The following KSR2 variants were observed in gnomAD, a reference collection of about 807,000 sequenced individuals.
KSR2 encodes the protein kinase suppressor of ras 2.
Under a neutral mutation model 107.8 loss-of-function variants are expected in KSR2, and 25 were observed. The ratio of observed to expected loss-of-function variants is 0.23; its 90% confidence interval spans 0.17 to 0.32. The LOEUF (loss-of-function observed/expected upper bound fraction) is 0.32. KSR2 is among the 10% of genes least tolerant of loss of function. The pLI, the probability that KSR2 is intolerant of heterozygous loss-of-function variation, is 1.00. For synonymous variants in KSR2, 480 were observed against 507.0 expected, an observed-to-expected ratio of 0.95 and a Z score of 0.71; for missense variants, 887 against 1,268.9, an observed-to-expected ratio of 0.70 and a Z score of 4.57.
chr12:117,967,055 C>T (rs1044829514), intron 1 of KSR2, among the ~76,000 whole-genome samples: 1 of 152,182 alleles, frequency 6.6e-6, no homozygotes, highest in Non-Finnish European at 1.5e-5. Context: ...AGGAAGTGAG[C>T]TGAACCCTTC....
intron 5 of KSR2, among the ~76,000 whole-genome samples, chr12:117,610,467 C>T (rs1458737717): frequency 6.6e-6 from 1 of 152,102 alleles, no homozygotes; most frequent in African/African-American, 2.4e-5. Flanking sequence ...TGACCAGGCA[C>T]GGTGGCTCAC....
At chr12:117,721,386 G>C (rs766751964) in intron 4 of KSR2, among the ~76,000 whole-genome samples, 12 of 152,232 alleles carry the variant, frequency 7.9e-5, no homozygotes, top group Middle Eastern at 3.2e-3. Flanking sequence ...TTGTAGAATA[G>C]TATAGAAGGC....
intron 5 of KSR2, among the ~76,000 whole-genome samples, chr12:117,640,096 G>C (rs187769967): frequency 2.0e-5 from 3 of 146,590 alleles, no homozygotes; most frequent in African/African-American, 5.1e-5. Context: ...TGGTGGTATC[G>C]AATCCATTCA....
intron 4 of KSR2, among the ~76,000 whole-genome samples, chr12:117,689,107 G>C (rs973834668): frequency 6.6e-6 from 1 of 152,028 alleles, no homozygotes; most frequent in African/African-American, 2.4e-5. Context: ...AACATACAAT[G>C]AATATGTCCA....
chr12:117,787,562 G>A (rs1890122134), intron 3 of KSR2, among the ~76,000 whole-genome samples: 1 of 152,096 alleles, frequency 6.6e-6, no homozygotes. Context: ...GAACCCAGGA[G>A]GCAGAAGTTG....
At chr12:117,530,020 C>T (rs1357231431) in intron 12 of KSR2, among the ~76,000 whole-genome samples, 3 of 151,456 alleles carry the variant, frequency 2.0e-5, no homozygotes, top group Non-Finnish European at 4.4e-5. Flanking sequence ...GACTCTGTCT[C>T]AAAACAAACA....
In KSR2 at chr12:117,965,890, G is replaced by A. The variant is rs952248720; in HGVS notation, c.180+2186C>T. Among the ~76,000 whole-genome samples the A allele has an allele frequency of 1.7e-4, 26 of 152,294 alleles. No homozygotes were observed. The East Asian group carries it at 4.6e-3, about 27-fold the overall frequency. ...TGGACCCAAATGTTAGCGTTGGCTGGACTTGGCTGGACCCTAAGTTACCAG... is the reference window on the plus strand; with the variant it reads ...TGGACCCAAATGTTAGCGTTGGCTGAACTTGGCTGGACCCTAAGTTACCAG... On this transcript the variant is annotated intron_variant, in intron 1 of 19. Coordinates refer to ENST00000339824, the MANE Select transcript of KSR2 (RefSeq NM_173598.6).
intron 4 of KSR2, among the ~76,000 whole-genome samples, chr12:117,736,570 G>C (rs928673549): frequency 6.6e-6 from 1 of 152,200 alleles, no homozygotes; most frequent in Admixed American, 6.5e-5. Flanking sequence ...AGCACTTTGG[G>C]AGACCAAGGC....
At position 117,555,301 on chromosome 12, in the gene KSR2, G is replaced by T. The variant is rs777265184; in HGVS notation, c.1394-8C>A. The T allele has an allele frequency of 8.7e-6, 14 of 1,613,666 alleles. No homozygotes were observed. Among genetic ancestry groups the T allele is most frequent in the Non-Finnish European group, 1.2e-5 (14 of 1,179,728 alleles). On this transcript the variant is annotated splice_polypyrimidine_tract_variant and splice_region_variant and intron_variant, in intron 8 of 19. Coordinates refer to ENST00000339824, the MANE Select transcript of KSR2 (RefSeq NM_173598.6). ...GGACTAACCTTGCTGGATCCGTAGG[G>T]GTAAAAACATTGATTTGGGAGTTTA...
chr12:117,524,683 T>C (rs1459494211), intron 14 of KSR2, among the ~76,000 whole-genome samples, 169 bp downstream of exon 14: 1 of 152,124 alleles, frequency 6.6e-6, no homozygotes, highest in Admixed American at 6.5e-5. Flanking sequence ...AACAAATAAG[T>C]AAAGTATTTT....
At chr12:117,645,967 A>G in intron 5 of KSR2, among the ~76,000 whole-genome samples, 1 of 151,758 alleles carries the variant, frequency 6.6e-6, no homozygotes. Flanking sequence ...CCCCACATAT[A>G]CCAAAATCCA....
At chr12:117,582,168 A>G in intron 6 of KSR2, 122 bp downstream of exon 6, 1 of 747,482 alleles carries the variant, frequency 1.3e-6, no homozygotes, top group East Asian at 2.6e-5. Context: ...AGAAAGGGAC[A>G]TGGTGATGTA....
At chr12:117,531,273 T>G (rs1875614887) in intron 11 of KSR2, among the ~76,000 whole-genome samples, 1 of 152,156 alleles carries the variant, frequency 6.6e-6, no homozygotes, top group Non-Finnish European at 1.5e-5. Flanking sequence ...CCTGAAGCAT[T>G]CATTGGTCAT....
At chr12:117,688,946 C>T (rs1007194549) in intron 4 of KSR2, among the ~76,000 whole-genome samples, 3 of 152,012 alleles carry the variant, frequency 2.0e-5, no homozygotes, top group Non-Finnish European at 4.4e-5. Context: ...TCCTTGCAAA[C>T]GACACATGCA....
rs187769083 is a variant in KSR2, at chr12:117,467,216, G to C, written c.2847-11C>G. 1 of 732,974 alleles carries C rather than the reference G, an allele frequency of 1.4e-6. No individual in the cohort carries two copies. The highest frequency in any genetic ancestry group is 1.8e-5 in the African/African-American group (1 of 55,984). 45.4% of individuals were successfully genotyped at this position (732,974 alleles called of 1,614,324 possible). The stretch of plus-strand genomic sequence containing the variant: ...TCCAAAGGTCACAGCCTGGAGTGGG[G>C]AGAGAAGGGAGAGAGTGGTGAGAGG... On this transcript the variant is annotated splice_polypyrimidine_tract_variant and intron_variant, in intron 19 of 19. Transcript: ENST00000339824.
intron 3 of KSR2, among the ~76,000 whole-genome samples, chr12:117,780,236 G>A (rs1361193620): frequency 6.6e-6 from 1 of 152,078 alleles, no homozygotes; most frequent in Non-Finnish European, 1.5e-5. Flanking sequence ...TTGAAAGAAG[G>A]GACTTAAACA....
rs1038648046 is a variant in KSR2, at chr12:117,885,900, C to T, written c.181-25469G>A. Among the ~76,000 whole-genome samples, 8 of 151,942 alleles carry T rather than the reference C, an allele frequency of 5.3e-5. 1 individual carries two copies. Among genetic ancestry groups the T allele is most frequent in the Admixed American group, 5.2e-4 (8 of 15,248 alleles). On this transcript the variant is annotated intron_variant, in intron 1 of 19. Coordinates refer to ENST00000339824, the MANE Select transcript of KSR2 (RefSeq NM_173598.6). Reference sequence around the variant, plus strand: ...CACAAGGTCAGGAGATCGAGACCATCCTGGCTAACATGGTGAAACCCCGTC... The same window carrying T: ...CACAAGGTCAGGAGATCGAGACCATTCTGGCTAACATGGTGAAACCCCGTC...
chr12:117,793,963 A>T (rs1890438426), intron 3 of KSR2, among the ~76,000 whole-genome samples: 1 of 129,988 alleles, frequency 7.7e-6, no homozygotes, highest in Non-Finnish European at 1.6e-5. Context: ...GCACACACCA[A>T]CATGCACACA....
At chr12:117,545,764 T>G (rs1876819028) in intron 9 of KSR2, among the ~76,000 whole-genome samples, 2 of 152,162 alleles carry the variant, frequency 1.3e-5, no homozygotes, top group Non-Finnish European at 2.9e-5. Context: ...AGTTTCATCT[T>G]GACATAGCTA....
Sources: gnomAD v4.1 joint callset for allele counts (sites outside exome capture counted in the v4.1 genomes callset) on GRCh38, gnomAD v4.1.1 for gene constraint, MANE v1.5 for transcripts, NCBI Gene and HGNC (gene_info 2026-07-23, HGNC 2026-07-21) for gene names.